Variants in PBX3 observed in about 807,000 individuals in gnomAD.
PBX3 encodes the protein PBX homeobox 3, also known as pre-B-cell leukemia transcription factor 3.
A neutral mutation model predicts 48.5 loss-of-function variants in PBX3; 14 were observed. The observed-to-expected ratio is 0.29, with a 90% CI of 0.19 to 0.45. The LOEUF is 0.45. Ranked by LOEUF, PBX3 falls within the 20% of genes least tolerant of loss-of-function variation. The pLI, the probability that PBX3 is intolerant of heterozygous loss-of-function variation, is 1.00. For synonymous variants in PBX3, 210 were observed against 200.3 expected, an observed-to-expected ratio of 1.05 and a Z score of -0.41; for missense variants, 386 against 546.7, an observed-to-expected ratio of 0.71 and a Z score of 2.93.
intron 8 of PBX3, among the ~76,000 whole-genome samples, chr9:125,965,130 A>G (rs1842504842): frequency 6.6e-6 from 1 of 152,234 alleles, no homozygotes; most frequent in Non-Finnish European, 1.5e-5. Context: ...GATTTCAGCA[A>G]TTGCCACTAT....
At chr9:125,803,684 C>A (rs1838036419) in intron 2 of PBX3, among the ~76,000 whole-genome samples, 1 of 152,190 alleles carries the variant, frequency 6.6e-6, no homozygotes, top group Non-Finnish European at 1.5e-5. Flanking sequence ...GATCAAGAGG[C>A]ATATGATGTC....
chr9:125,931,746 A>G (rs562559163), intron 4 of PBX3, among the ~76,000 whole-genome samples: 1 of 152,356 alleles, frequency 6.6e-6, no homozygotes, highest in Non-Finnish European at 1.5e-5. Flanking sequence ...GTGAACAAAT[A>G]TACCATAACA....
rs377410915 is a variant in PBX3 at position 125,820,087 on chromosome 9, A to G, written c.274+71464A>G. Among the ~76,000 whole-genome samples, 13 of 152,316 alleles carry G rather than the reference A, an allele frequency of 8.5e-5. No homozygotes were observed. In the East Asian group the frequency reaches 1.7e-3, roughly 20 times the overall value. On this transcript the variant is annotated intron_variant, in intron 2 of 8. Transcript: ENST00000373489. ...GGGTGCATGAAAACGTTTGCACTGC[A>G]CTGAATTGAAGTTTTTACTGTGGGA...
intron 2 of PBX3, among the ~76,000 whole-genome samples, chr9:125,903,873 C>T (rs1841009254): frequency 6.6e-6 from 1 of 151,812 alleles, no homozygotes; most frequent in Admixed American, 6.6e-5. Context: ...GTCCTGCATC[C>T]AGTTCTAGCT....
chr9:125,847,339 C>T (rs1006577563), intron 2 of PBX3, among the ~76,000 whole-genome samples: 2 of 151,752 alleles, frequency 1.3e-5, no homozygotes, highest in African/African-American at 4.8e-5. Context: ...CAGCATTATT[C>T]CTAAAAGGAC....
chr9:125,782,385 G>A (rs528772037), intron 2 of PBX3, among the ~76,000 whole-genome samples: 2 of 152,184 alleles, frequency 1.3e-5, no homozygotes, highest in East Asian at 3.9e-4. Context: ...ATGAGATTTG[G>A]GTAGGGACAC....
At chr9:125,819,778 A>C (rs1250929299) in intron 2 of PBX3, among the ~76,000 whole-genome samples, 1 of 152,044 alleles carries the variant, frequency 6.6e-6, no homozygotes, top group Non-Finnish European at 1.5e-5. Flanking sequence ...TTCACTTTTA[A>C]GTTTATTTTA....
At chr9:125,753,789 C>G (rs140902150) in intron 2 of PBX3, among the ~76,000 whole-genome samples, 1 of 152,010 alleles carries the variant, frequency 6.6e-6, no homozygotes, top group Admixed American at 6.6e-5. Flanking sequence ...ACTGGTTGAT[C>G]GGCTTTCATA....
At chr9:125,810,906 G>C (rs1039139650) in intron 2 of PBX3, among the ~76,000 whole-genome samples, 2 of 152,162 alleles carry the variant, frequency 1.3e-5, no homozygotes, top group Non-Finnish European at 2.9e-5. Flanking sequence ...AAGATGCGAG[G>C]TGTGGTATCT....
At position 125,966,282 on chromosome 9, in the gene PBX3, G is replaced by A. The variant is rs1230075533; in HGVS notation, c.*359G>A. The A allele has an allele frequency of 5.0e-5, 8 of 159,160 alleles. No homozygotes were observed. Among genetic ancestry groups the A allele is most frequent in the African/African-American group, 1.2e-4 (5 of 41,682 alleles). The allele number at this position is 159,160 out of a possible 1,614,324, so 9.9% of individuals were successfully genotyped here. On this transcript the variant is annotated 3_prime_UTR_variant, in exon 9 of 9. Transcript: ENST00000373489. ...GTACAATATACACTAAACCTCAACC[G>A]TTAAAGCAGATGCAAAAATTCACCT...
At chr9:125,929,402 T>C (rs1841663433) in intron 3 of PBX3, among the ~76,000 whole-genome samples, 1 of 152,238 alleles carries the variant, frequency 6.6e-6, no homozygotes, top group African/African-American at 2.4e-5. Flanking sequence ...AACATCATTT[T>C]GGAACTGGAC....
At chr9:125,851,139 A>G (rs370800911) in intron 2 of PBX3, among the ~76,000 whole-genome samples, 29 of 152,244 alleles carry the variant, frequency 1.9e-4, no homozygotes, top group Admixed American at 1.4e-3. Flanking sequence ...TTCAGCCTGA[A>G]AAAATACTTA....
chr9:125,915,652 TTCTCTCTCTGTC>T (rs1841311611), intron 2 of PBX3, 22 bp from the exon 3 acceptor site: 3 of 1,545,762 alleles, frequency 1.9e-6, no homozygotes, highest in Non-Finnish European at 2.6e-6. Flanking sequence ...TTCTCGCTTC[TTCTCTCTCTGTC>T]TCTCTCTCTC....
chr9:125,848,827 A>C (rs185309277), intron 2 of PBX3, among the ~76,000 whole-genome samples: 2 of 152,142 alleles, frequency 1.3e-5, no homozygotes, highest in East Asian at 3.9e-4. Context: ...TACCATGTAC[A>C]TTCTGTGATA....
intron 2 of PBX3, among the ~76,000 whole-genome samples, chr9:125,861,973 T>C (rs1238801723): frequency 2.6e-5 from 4 of 152,344 alleles, no homozygotes; most frequent in Admixed American, 2.6e-4. Context: ...GTGAATTGTA[T>C]CTCAACAAAG....
chr9:125,804,472 C>T (rs1316659678), intron 2 of PBX3, among the ~76,000 whole-genome samples: 1 of 152,118 alleles, frequency 6.6e-6, no homozygotes. Context: ...TTTCTAGGGA[C>T]ACCGTGACAT....
intron 5 of PBX3, among the ~76,000 whole-genome samples, chr9:125,943,321 C>T (rs1255341715): frequency 8.6e-6 from 1 of 116,046 alleles, no homozygotes; most frequent in Non-Finnish European, 1.6e-5. Flanking sequence ...TGCCATTGCA[C>T]TCCAGCTTGG....
intron 4 of PBX3, among the ~76,000 whole-genome samples, chr9:125,934,889 TC>T (rs1841800302): frequency 6.6e-6 from 1 of 152,210 alleles, no homozygotes. Context: ...GCTTTGCAGT[TC>T]CTTTCATGCG....
At chr9:125,774,933 G>A (rs552832099) in intron 2 of PBX3, among the ~76,000 whole-genome samples, 41 of 151,332 alleles carry the variant, frequency 2.7e-4, no homozygotes, top group African/African-American at 8.7e-4. Context: ...GTATAGTGGC[G>A]CAACCTTACT....
Sources: allele counts gnomAD v4.1 joint callset (sites outside exome capture counted in the v4.1 genomes callset), GRCh38; gene constraint gnomAD v4.1.1; transcripts MANE v1.5; gene names NCBI Gene and HGNC (gene_info 2026-07-23, HGNC 2026-07-21).